Variants in AAGAB observed in about 807,000 individuals in gnomAD.
AAGAB encodes the protein alpha- and gamma-adaptin-binding protein p34.
A neutral mutation model predicts 44.1 loss-of-function variants in AAGAB; 38 were observed. The ratio of observed to expected loss-of-function variants is 0.86; its 90% confidence interval spans 0.67 to 1.13. The LOEUF is 1.13. Ranked by LOEUF, AAGAB falls within the 50% of genes most tolerant of loss-of-function variation. The pLI is 0.00. For synonymous variants in AAGAB, 131 were observed against 131.8 expected, an observed-to-expected ratio of 0.99 and a Z score of 0.04; for missense variants, 450 against 373.8, an observed-to-expected ratio of 1.20 and a Z score of -1.68.
rs143981918 is a variant in AAGAB, at chr15:67,231,515, C to A, written c.535+299G>T. Among the ~76,000 whole-genome samples the A allele has an allele frequency of 7.8e-3, 1,183 of 152,296 alleles. 9 individuals carry two copies. The highest frequency in any genetic ancestry group is 0.012 in the Admixed American group (190 of 15,290). On this transcript the variant is annotated intron_variant, in intron 5 of 9. Coordinates refer to ENST00000261880, the MANE Select transcript of AAGAB (RefSeq NM_024666.5). ...AAAAGTACAGGCTTGAATTTCACAG[C>A]TGGACTAGGAGCTCCTTAATAATAG...
At chr15:67,229,144 G>A (rs1417643292) in intron 5 of AAGAB, among the ~76,000 whole-genome samples, 1 of 152,066 alleles carries the variant, frequency 6.6e-6, no homozygotes, top group Non-Finnish European at 1.5e-5. Context: ...CTAAAATAAA[G>A]GTTGGAGGGC....
intron 1 of AAGAB, among the ~76,000 whole-genome samples, chr15:67,245,507 T>G (rs1596016172): frequency 6.6e-6 from 1 of 152,328 alleles, no homozygotes; most frequent in South Asian, 2.1e-4. Context: ...AAGTTCCTTC[T>G]GGGATGACGG....
At chr15:67,237,507 T>C (rs1278992687) in intron 1 of AAGAB, among the ~76,000 whole-genome samples, 1 of 152,210 alleles carries the variant, frequency 6.6e-6, no homozygotes, top group Non-Finnish European at 1.5e-5. Flanking sequence ...CTTTTGGAAA[T>C]CTATGTGCAG....
chr15:67,217,889 A>T (rs1056399753), intron 5 of AAGAB, among the ~76,000 whole-genome samples: 2 of 152,350 alleles, frequency 1.3e-5, no homozygotes, highest in East Asian at 3.9e-4. Context: ...GATTCCTTGA[A>T]TTGGAATCTG....
At chr15:67,254,501 C>G (rs1965019615) in intron 1 of AAGAB, 58 bp downstream of exon 1, 2 of 1,536,860 alleles carry the variant, frequency 1.3e-6, no homozygotes, top group Non-Finnish European at 1.8e-6. Context: ...GGTGCTGGGT[C>G]CGTCGCCCGC....
At chr15:67,216,446 A>G (rs1459054576) in intron 5 of AAGAB, among the ~76,000 whole-genome samples, 3 of 101,564 alleles carry the variant, frequency 3.0e-5, no homozygotes, top group Non-Finnish European at 6.9e-5. Flanking sequence ...ACTCTTGAAA[A>G]AAAAAAAAAA....
chr15:67,218,489 T>G (rs1178517169), intron 5 of AAGAB, among the ~76,000 whole-genome samples: 5 of 152,330 alleles, frequency 3.3e-5, no homozygotes, highest in Non-Finnish European at 7.4e-5. Context: ...AGGCTTCTAC[T>G]TACCATCTTC....
intron 5 of AAGAB, among the ~76,000 whole-genome samples, chr15:67,222,071 C>T (rs34296414): frequency 0.21 from 31,726 of 151,878 alleles, 4,049 homozygotes; most frequent in East Asian, 0.47. Flanking sequence ...TTTTACTGAC[C>T]CACTCCAATT....
chr15:67,231,259 A>G lies in AAGAB; in HGVS notation c.535+555T>C, dbSNP rs1393309065. On this transcript the variant is annotated intron_variant, in intron 5 of 9. Coordinates refer to ENST00000261880, the MANE Select transcript of AAGAB (RefSeq NM_024666.5). ...TTGTCCAGGCTGGTCAGAACATAGA[A>G]CTGTTATTCTCTATGTCATGCTTCC... Among the ~76,000 whole-genome samples, 6 of 152,070 alleles carry G rather than the reference A, an allele frequency of 3.9e-5. No individual in the cohort carries two copies. In the East Asian group the frequency reaches 1.2e-3, roughly 29 times the overall value.
intron 5 of AAGAB, among the ~76,000 whole-genome samples, chr15:67,222,236 G>GCACA (rs1428034588): frequency 3.6e-4 from 14 of 39,238 alleles, no homozygotes; most frequent in African/African-American, 1.2e-3. Flanking sequence ...GCGCACGCGC[G>GCACA]CGCGCGCACA....
intron 3 of AAGAB, 39 bp from the exon 4 acceptor site, chr15:67,236,107 A>T (rs781601448): frequency 2.8e-6 from 4 of 1,432,974 alleles, no homozygotes; most frequent in African/African-American, 1.4e-5. Flanking sequence ...AAGTAAAAAG[A>T]AAATAAAACA....
rs1963560974 is a variant in AAGAB at position 67,201,169 on chromosome 15, T to C, written c.*1652A>G. Reference sequence around the variant, plus strand: ...AACCTTCCATCTTTTAAGGAAAACATGTTCCACCTTTTTTTTTTTTTTGCA... The same window carrying C: ...AACCTTCCATCTTTTAAGGAAAACACGTTCCACCTTTTTTTTTTTTTTGCA... On this transcript the variant is annotated 3_prime_UTR_variant, in exon 10 of 10. Transcript: ENST00000261880. The C allele has an allele frequency of 1.3e-5, 2 of 151,850 alleles. No individual in the cohort carries two copies. Among genetic ancestry groups the C allele is most frequent in the South Asian group, 2.1e-4 (1 of 4,824 alleles). 9.4% of individuals were successfully genotyped at this position (151,850 alleles called of 1,614,324 possible). A position where few individuals can be genotyped will look rare whatever the true frequency, so the allele number is the denominator to read the frequency against.
At position 67,254,620 on chromosome 15, in the gene AAGAB, G is replaced by A. The variant is rs1317782209; in HGVS notation, c.12C>T (p.Gly4=). The A allele has an allele frequency of 6.2e-6, 10 of 1,602,744 alleles. No homozygotes were observed. The highest frequency in any genetic ancestry group is 5.1e-5 in the Admixed American group (3 of 58,554). The change falls in exon 1 of 10, where the codon GGC becomes GGT. Residue 4 remains glycine, a synonymous_variant. Coordinates refer to ENST00000261880, the MANE Select transcript of AAGAB (RefSeq NM_024666.5). MAA[G]VPCALVTSCS... is the part of the protein sequence containing the mutation. The stretch of plus-strand genomic sequence containing the variant: ...AGCTGGTGACTAACGCACAGGGTAC[G>A]CCAGCAGCCATAGCTGCGCTCGCGA...
At position 67,222,242 on chromosome 15, in the gene AAGAB, G is replaced by GCACACACACACACACACACACACA. The variant is rs370826027; in HGVS notation, c.535+9548_535+9571dup. On this transcript the variant is annotated intron_variant, in intron 5 of 9. Transcript: ENST00000261880. ...TGCATGCACGCGCACGCGCGCGCGCGCACACACACACACACACACACACAC... is the reference window on the plus strand; with the variant it reads ...TGCATGCACGCGCACGCGCGCGCGCGCACACACACACACACACACACACACACACACACACACACACACACACAC... Among the ~76,000 whole-genome samples the GCACACACACACACACACACACACA allele has an allele frequency of 1.0e-4, 9 of 90,122 alleles. No homozygotes were observed. In the East Asian group the frequency reaches 1.8e-3, roughly 19 times the overall value. The allele number at this position is 90,122 out of a possible 152,430, so 59.1% of individuals were successfully genotyped here. A position where few individuals can be genotyped will look rare whatever the true frequency, so the allele number is the denominator to read the frequency against.
At chr15:67,217,541 CTTTTT>C (rs1202763478) in intron 5 of AAGAB, among the ~76,000 whole-genome samples, 1 of 152,028 alleles carries the variant, frequency 6.6e-6, no homozygotes, top group Non-Finnish European at 1.5e-5. Flanking sequence ...GTACACATTT[CTTTTT>C]TTATTTTTTT....
chr15:67,236,833 G>GC lies in AAGAB; in HGVS notation c.74-14_74-13insG. On this transcript the variant is annotated splice_polypyrimidine_tract_variant and intron_variant, in intron 1 of 9. Transcript: ENST00000261880. ...GTTCCAAGGATATCTAAAAATAAAT[G>GC]ACAACATTACCATGTAAAGTGCAAA... 1 of 1,592,268 alleles carries GC rather than the reference G, an allele frequency of 6.3e-7. No homozygotes were observed. The highest frequency in any genetic ancestry group is 1.7e-5 in the Admixed American group (1 of 57,742).
At chr15:67,212,686 G>A (rs1319799464) in intron 5 of AAGAB, among the ~76,000 whole-genome samples, 3 of 152,046 alleles carry the variant, frequency 2.0e-5, no homozygotes, top group Non-Finnish European at 2.9e-5. Flanking sequence ...TTGACACAAC[G>A]AGAAAAACAA....
intron 5 of AAGAB, among the ~76,000 whole-genome samples, chr15:67,214,302 C>A (rs1274406658): frequency 6.6e-6 from 1 of 152,220 alleles, no homozygotes; most frequent in Non-Finnish European, 1.5e-5. Context: ...CACTTACTAA[C>A]TGTTCACAGC....
intron 8 of AAGAB, 125 bp from the exon 9 acceptor site, chr15:67,203,722 T>C (rs754933840): frequency 3.6e-6 from 3 of 840,032 alleles, no homozygotes; most frequent in South Asian, 1.7e-5. Context: ...ATTACATGTA[T>C]TAGGAAGTTT....
Sources: gnomAD v4.1 joint callset for allele counts (sites outside exome capture counted in the v4.1 genomes callset) on GRCh38, gnomAD v4.1.1 for gene constraint, MANE v1.5 for transcripts, NCBI Gene and HGNC (gene_info 2026-07-23, HGNC 2026-07-21) for gene names.